Variants in IQUB observed in about 807,000 individuals in gnomAD.
IQUB encodes the protein IQ motif and ubiquitin-like domain-containing protein.
Under a neutral mutation model 86.4 loss-of-function variants are expected in IQUB, and 86 were observed. The ratio of observed to expected loss-of-function variants is 1.00; its 90% CI spans 0.84 to 1.19. IQUB has a LOEUF of 1.19. Among genes scored for constraint, IQUB ranks in the 50% most tolerant of loss-of-function variants. The probability of loss-of-function intolerance (pLI) is 0.00; values close to 1 mark genes in which losing one functional copy is unlikely to be tolerated. For missense variants in IQUB, 946 were observed against 916.9 expected (o/e 1.03, Z -0.41); for synonymous variants, 289 against 304.5 (o/e 0.95, Z 0.53).
chr7:123,524,606 A>G (rs1316860658), intron 1 of IQUB, among the ~76,000 whole-genome samples: 1 of 150,694 alleles, frequency 6.6e-6, no homozygotes, highest in Non-Finnish European at 1.5e-5. Flanking sequence ...TTGGGCTGAG[A>G]CAATGGGGTT....
intron 7 of IQUB, among the ~76,000 whole-genome samples, chr7:123,490,710 A>G (rs545828141): frequency 1.3e-5 from 2 of 152,332 alleles, no homozygotes; most frequent in African/African-American, 4.8e-5. Flanking sequence ...CACGCCTGTA[A>G]TCTCAGCACT....
At position 123,512,236 on chromosome 7, in the gene IQUB, C is replaced by A; in HGVS notation, c.105G>T (p.Glu35Asp). 1 of 1,613,928 alleles carries A rather than the reference C, an allele frequency of 6.2e-7. No homozygotes were observed. The highest frequency in any genetic ancestry group is 8.5e-7 in the Non-Finnish European group (1 of 1,179,894). The change falls in exon 2 of 13, where the codon GAG (glutamate) becomes GAT (aspartate). Residue 35 changes from glutamate (E) to aspartate (D), a missense_variant. Glu to Asp is a conservative substitution (Grantham distance 45, BLOSUM62 2). Coordinates refer to ENST00000324698, the MANE Select transcript of IQUB (RefSeq NM_178827.5). ...DTVTIPVPSE[E>D]PQESDQTEEH... ...CTTCAGTTTGATCTGACTCTTGAGG[C>A]TCTTCTGAGGGAACTGGAATAGTGA...
intron 10 of IQUB, 33 bp from the exon 11 acceptor site, chr7:123,461,638 CT>C (rs1404961210): frequency 1.3e-6 from 2 of 1,507,314 alleles, no homozygotes; most frequent in Admixed American, 4.7e-5. Flanking sequence ...AAAAAAAGGT[CT>C]AAAAAGCCAG....
intron 1 of IQUB, among the ~76,000 whole-genome samples, chr7:123,522,123 T>C (rs2037697): frequency 0.27 from 40,661 of 151,994 alleles, 5,759 homozygotes; most frequent in Middle Eastern, 0.36. Context: ...CTCAGGGTTC[T>C]GTTTGCACCG....
At chr7:123,482,618 G>A (rs906643870) in intron 7 of IQUB, among the ~76,000 whole-genome samples, 5 of 152,098 alleles carry the variant, frequency 3.3e-5, no homozygotes, top group African/African-American at 1.2e-4. Flanking sequence ...GTGAAAATGC[G>A]TAGGATGCAA....
In IQUB at chr7:123,525,560, T is replaced by C. The variant is rs547720234; in HGVS notation, c.-5+8932A>G. On this transcript the variant is annotated intron_variant, in intron 1 of 12. Transcript: ENST00000324698. ...ATAGGTGGTGATATCCCCTTTATCA[T>C]TTTTTATTGCGTCTATTTGATTCTT... Among the ~76,000 whole-genome samples the C allele has an allele frequency of 7.3e-4, 111 of 152,304 alleles. No individual in the cohort carries two copies. In the East Asian group the frequency reaches 0.016, roughly 22 times the overall value.
intron 7 of IQUB, among the ~76,000 whole-genome samples, chr7:123,484,216 A>C (rs1476248125): frequency 2.0e-5 from 3 of 152,088 alleles, no homozygotes; most frequent in Non-Finnish European, 4.4e-5. Flanking sequence ...TTAAAAGCTA[A>C]ATTATGTTTA....
At chr7:123,468,580 G>A (rs1379151274) in intron 9 of IQUB, among the ~76,000 whole-genome samples, 1 of 152,100 alleles carries the variant, frequency 6.6e-6, no homozygotes, top group African/African-American at 2.4e-5. Flanking sequence ...CCTAAATTCA[G>A]GACAACTCTG....
chr7:123,469,398 T>G lies in IQUB; in HGVS notation c.1411-14A>C. 2 of 1,484,146 alleles carry G rather than the reference T, an allele frequency of 1.3e-6. No individual in the cohort carries two copies. The highest frequency in any genetic ancestry group is 1.8e-6 in the Non-Finnish European group (2 of 1,098,880). The allele number at this position is 1,484,146 out of a possible 1,614,324, so 91.9% of individuals were successfully genotyped here. On this transcript the variant is annotated splice_polypyrimidine_tract_variant and intron_variant, in intron 8 of 12. Transcript: ENST00000324698. ...TGGAGCTGAACACTTAAAAATAATA[T>G]TATGTTTATAATTATCAGTTAATTA... is the stretch of plus-strand genomic sequence containing the variant.
intron 3 of IQUB, among the ~76,000 whole-genome samples, chr7:123,507,654 C>T (rs1246115091): frequency 6.6e-6 from 1 of 152,060 alleles, no homozygotes; most frequent in Non-Finnish European, 1.5e-5. Flanking sequence ...GCGGGTGGAT[C>T]ATGAGGTCAG....
At position 123,502,644 on chromosome 7, in the gene IQUB, C is replaced by T. The variant is rs755497760; in HGVS notation, c.976G>A (p.Gly326Arg). 16 of 1,612,702 alleles carry T rather than the reference C, an allele frequency of 9.9e-6. 1 individual carries two copies. The highest frequency in any genetic ancestry group is 1.6e-4 in the Middle Eastern group (1 of 6,080). The stretch of plus-strand genomic sequence containing the variant: ...TATTCTGCTGCTGAAAAATACTTTC[C>T]TGGTGTTACCAGTTTATCAGTCATA... ...SNMTDKLVTP[G>R]KYFSAAEYHA... The change falls in exon 6 of 13, where the codon GGA becomes AGA. Residue 326 changes from glycine to arginine, a missense_variant. Physicochemically the swap from Gly to Arg is moderately radical, Grantham distance 125 (BLOSUM62 -2). Transcript: ENST00000324698.
intron 1 of IQUB, among the ~76,000 whole-genome samples, chr7:123,526,085 G>C (rs1327263039): frequency 6.7e-6 from 1 of 148,718 alleles, no homozygotes; most frequent in Non-Finnish European, 1.5e-5. Context: ...TATAATTTCT[G>C]TTCTTTTACA....
chr7:123,506,089 G>T (rs138471953), intron 3 of IQUB, among the ~76,000 whole-genome samples: 1 of 152,198 alleles, frequency 6.6e-6, no homozygotes, highest in East Asian at 1.9e-4. Context: ...CAGTGCTGCC[G>T]GGTGTCTTTG....
At chr7:123,532,645 A>T (rs1797584944) in intron 1 of IQUB, 1 of 152,194 alleles carries the variant, frequency 6.6e-6, no homozygotes, top group African/African-American at 2.4e-5. Context: ...AAAAGGGCTC[A>T]GAAAGCGGAA....
intron 9 of IQUB, among the ~76,000 whole-genome samples, chr7:123,465,842 C>T (rs901993930): frequency 4.6e-5 from 7 of 151,894 alleles, no homozygotes; most frequent in Non-Finnish European, 8.8e-5. Context: ...TGTCCTCATA[C>T]CTGAGGAGCT....
intron 6 of IQUB, among the ~76,000 whole-genome samples, chr7:123,500,184 T>A (rs1209589305): frequency 6.6e-6 from 1 of 152,206 alleles, no homozygotes; most frequent in African/African-American, 2.4e-5. Flanking sequence ...GAGTAGCCAT[T>A]CTTTTGTTCC....
intron 1 of IQUB, among the ~76,000 whole-genome samples, chr7:123,521,562 G>C (rs867798983): frequency 6.6e-6 from 1 of 151,868 alleles, no homozygotes; most frequent in African/African-American, 2.4e-5. Flanking sequence ...TTGGAAGATC[G>C]CTTCAGCCAG....
intron 1 of IQUB, among the ~76,000 whole-genome samples, chr7:123,522,393 C>T (rs1477540930): frequency 1.3e-5 from 2 of 152,172 alleles, no homozygotes; most frequent in African/African-American, 2.4e-5. Context: ...ACGCCAGACC[C>T]CTCACAGTTC....
chr7:123,523,550 G>A (rs1293079391), intron 1 of IQUB, among the ~76,000 whole-genome samples: 1 of 152,052 alleles, frequency 6.6e-6, no homozygotes, highest in Admixed American at 6.6e-5. Flanking sequence ...TGATGGGGTA[G>A]TTTGTTTTTT....
Sources: gnomAD v4.1 joint callset for allele counts (sites outside exome capture counted in the v4.1 genomes callset) on GRCh38, gnomAD v4.1.1 for gene constraint, MANE v1.5 for transcripts, NCBI Gene and HGNC (gene_info 2026-07-23, HGNC 2026-07-21) for gene names.